Variants in NHSL1 observed in about 807,000 individuals in gnomAD.
NHSL1 encodes NHS-like protein 1.
In NHSL1, 48 loss-of-function variants were observed where a neutral mutation model predicts 95.0. The ratio of observed to expected loss-of-function variants is 0.51; its 90% CI spans 0.40 to 0.64. The LOEUF is 0.64. Among genes scored for constraint, NHSL1 ranks in the 30% least tolerant of loss-of-function variants. The pLI is 0.00. For missense variants in NHSL1, 1,971 were observed against 2,077.7 expected (o/e 0.95, Z 1.00); for synonymous variants, 783 against 833.9 (o/e 0.94, Z 1.05).
chr6:138,515,755 A>G (rs879902015), intron 1 of NHSL1, among the ~76,000 whole-genome samples: 5 of 152,254 alleles, frequency 3.3e-5, no homozygotes, highest in African/African-American at 4.8e-5. Flanking sequence ...GGAAGTTAAT[A>G]GTATCGGGGA....
chr6:138,486,239 C>T (rs933818404), intron 2 of NHSL1, among the ~76,000 whole-genome samples: 1 of 152,120 alleles, frequency 6.6e-6, no homozygotes, highest in African/African-American at 2.4e-5. Context: ...TGTACCGTGC[C>T]ACCACCTCAA....
intron 1 of NHSL1, among the ~76,000 whole-genome samples, chr6:138,524,025 G>A (rs1166101828): frequency 6.6e-6 from 1 of 152,148 alleles, no homozygotes; most frequent in South Asian, 2.1e-4. Flanking sequence ...TTTTGGAGTT[G>A]AGGAAATGAA....
chr6:138,485,801 T>C (rs1271309570), intron 2 of NHSL1, among the ~76,000 whole-genome samples: 1 of 152,348 alleles, frequency 6.6e-6, no homozygotes, highest in Non-Finnish European at 1.5e-5. Context: ...AAAATTCCAA[T>C]AGAGCCAAAT....
Position 138,452,333 on chromosome 6 carries a change from G to C in NHSL1, c.340-5140C>G, listed in dbSNP as rs760503525. Reference sequence around the variant, plus strand: ...AAGCTCTCACCAGATGGACAGTGTGGGGCCTGAAATAGGGTCTCTTTCCCA... The same window carrying C: ...AAGCTCTCACCAGATGGACAGTGTGCGGCCTGAAATAGGGTCTCTTTCCCA... On this transcript the variant is annotated intron_variant, in intron 3 of 7. Coordinates refer to ENST00000343505, the MANE Select transcript of NHSL1 (RefSeq NM_001144060.2). Among the ~76,000 whole-genome samples the C allele has an allele frequency of 2.6e-5, 4 of 152,146 alleles. No individual in the cohort carries two copies. The South Asian group carries it at 8.3e-4, about 31-fold the overall frequency.
chr6:138,453,491 A>C (rs1035033472), intron 3 of NHSL1, among the ~76,000 whole-genome samples: 1 of 151,020 alleles, frequency 6.6e-6, no homozygotes, highest in African/African-American at 2.4e-5. Flanking sequence ...AGTAGCTGGG[A>C]GTATGGATGT....
intron 1 of NHSL1, among the ~76,000 whole-genome samples, chr6:138,623,370 T>C (rs984253519): frequency 3.3e-5 from 5 of 152,124 alleles, no homozygotes; most frequent in African/African-American, 1.2e-4. Flanking sequence ...CCCTCTACAG[T>C]GTCTGTCTGG....
At chr6:138,633,436 G>T (rs1784848068) in intron 1 of NHSL1, among the ~76,000 whole-genome samples, 1 of 152,170 alleles carries the variant, frequency 6.6e-6, no homozygotes, top group South Asian at 2.1e-4. Context: ...CCTAAAAGCA[G>T]CAAGGAAAAA....
chr6:138,531,012 T>C (rs906339481), intron 1 of NHSL1, among the ~76,000 whole-genome samples: 1 of 152,154 alleles, frequency 6.6e-6, no homozygotes, highest in Non-Finnish European at 1.5e-5. Context: ...TTTTCTCCTC[T>C]CTTTTTCCAT....
At chr6:138,516,570 G>A (rs1361199603) in intron 1 of NHSL1, among the ~76,000 whole-genome samples, 5 of 152,006 alleles carry the variant, frequency 3.3e-5, no homozygotes, top group African/African-American at 1.2e-4. Context: ...GTTAGCAATG[G>A]TTGAACATCA....
intron 3 of NHSL1, among the ~76,000 whole-genome samples, chr6:138,450,359 A>G (rs1374980261): frequency 6.6e-6 from 1 of 152,252 alleles, no homozygotes; most frequent in East Asian, 1.9e-4. Flanking sequence ...CTTGAATTAC[A>G]GTATAAAGCT....
chr6:138,502,499 T>A (rs1015550730), upstream of NHSL1, among the ~76,000 whole-genome samples: 3 of 151,934 alleles, frequency 2.0e-5, no homozygotes, highest in Non-Finnish European at 1.5e-5. Context: ...AAAGTTTTTA[T>A]AAAGATAGGG....
At chr6:138,545,761 C>A (rs747227811), upstream of NHSL1, 4 of 1,210,892 alleles carry the variant, frequency 3.3e-6, no homozygotes, top group African/African-American at 6.3e-5. Flanking sequence ...GGCCAGCCAG[C>A]GCCTGTTACT....
At chr6:138,601,167 A>G (rs957212102) in intron 1 of NHSL1, among the ~76,000 whole-genome samples, 2 of 152,252 alleles carry the variant, frequency 1.3e-5, no homozygotes, top group Non-Finnish European at 2.9e-5. Context: ...ACTTTCTTCT[A>G]AAGTAAAACT....
chr6:138,524,247 T>C (rs1583353507), intron 1 of NHSL1, among the ~76,000 whole-genome samples: 1 of 152,308 alleles, frequency 6.6e-6, no homozygotes, highest in East Asian at 1.9e-4. Flanking sequence ...TTAAGCAGAC[T>C]TTTCATTGGG....
At chr6:138,429,573 C>T in intron 7 of NHSL1, 138 bp downstream of exon 7, 7 of 747,180 alleles carry the variant, frequency 9.4e-6, no homozygotes, top group Non-Finnish European at 1.4e-5. Flanking sequence ...TAGAAACCCA[C>T]TAAAAAATCA....
At chr6:138,578,925 G>A (rs187187726) in intron 1 of NHSL1, among the ~76,000 whole-genome samples, 1 of 152,308 alleles carries the variant, frequency 6.6e-6, no homozygotes, top group Admixed American at 6.5e-5. Context: ...GTGGTCCCCA[G>A]CCTTTCTGGC....
intron 1 of NHSL1, among the ~76,000 whole-genome samples, chr6:138,525,952 C>G (rs754991652): frequency 6.6e-6 from 1 of 151,410 alleles, no homozygotes; most frequent in Non-Finnish European, 1.5e-5. Context: ...CAGAAATTAG[C>G]TGTGGTGGGA....
intron 1 of NHSL1, among the ~76,000 whole-genome samples, chr6:138,505,435 C>T (rs2128295315): frequency 6.6e-6 from 1 of 152,140 alleles, no homozygotes; most frequent in Middle Eastern, 3.4e-3. Context: ...ATAGGCGGAT[C>T]ACGAGGTCAG....
chr6:138,646,662 G>A (rs1450560705), intron 1 of NHSL1, among the ~76,000 whole-genome samples: 1 of 152,188 alleles, frequency 6.6e-6, no homozygotes, highest in Non-Finnish European at 1.5e-5. Context: ...AGGGTAAGGG[G>A]TGAGGGGTAA....
Sources: gnomAD v4.1 joint callset for allele counts (sites outside exome capture counted in the v4.1 genomes callset) on GRCh38, gnomAD v4.1.1 for gene constraint, MANE v1.5 for transcripts, NCBI Gene and HGNC (gene_info 2026-07-23, HGNC 2026-07-21) for gene names.